RASEF: variants seen among roughly 807,000 people sequenced by gnomAD.
RASEF encodes ras and EF-hand domain-containing protein.
In RASEF, 68 loss-of-function variants were observed where a neutral mutation model predicts 90.1. That is an observed-to-expected ratio of 0.75 (90% CI 0.62 to 0.92). The LOEUF is 0.92. Among genes scored for constraint, RASEF ranks in the 40% least tolerant of loss-of-function variants. The pLI, the probability that RASEF is intolerant of heterozygous loss-of-function variation, is 0.00. For synonymous variants in RASEF, 331 were observed against 345.2 expected (o/e 0.96, Z 0.46); for missense variants, 949 against 937.2 (o/e 1.01, Z -0.16).
chr9:83,102,519 C>G, the RASEF span, among the ~76,000 whole-genome samples: 4 of 152,178 alleles, frequency 2.6e-5, no homozygotes, highest in Admixed American at 2.6e-4. Context: ...TTTTAGAAAG[C>G]AGTCAAATTT....
intron 16 of RASEF, among the ~76,000 whole-genome samples, chr9:82,985,942 G>A (rs1433411434): frequency 1.3e-5 from 2 of 152,178 alleles, no homozygotes; most frequent in Non-Finnish European, 2.9e-5. Context: ...TGGATATGCA[G>A]AGTCACCATG....
At chr9:83,154,242 A>C in the RASEF span, among the ~76,000 whole-genome samples, 1 of 152,174 alleles carries the variant, frequency 6.6e-6, no homozygotes, top group Non-Finnish European at 1.5e-5. Flanking sequence ...CACTGTCAGG[A>C]GGAAAGGACA....
chr9:83,062,544 G>A lies in RASEF; in HGVS notation c.324C>T (p.Asp108=). 1 of 1,603,926 alleles carries A rather than the reference G, an allele frequency of 6.2e-7. No individual in the cohort carries two copies. The highest frequency in any genetic ancestry group is 8.5e-7 in the Non-Finnish European group (1 of 1,175,618). The part of the protein sequence containing the change: ...ETHDSEEDEG[D]EDAAAALATS... The stretch of plus-strand genomic sequence containing the variant: ...TGGCCAGCGCCGCCGCCGCGTCCTC[G>A]TCGCCTTCGTCCTCCTCGCTGTCGT... Residue 108 remains aspartate, a synonymous_variant, in exon 1 of 17, where the codon GAC becomes GAT. Transcript: ENST00000376447.
chr9:83,141,715 C>T, the RASEF span, among the ~76,000 whole-genome samples: 4 of 152,118 alleles, frequency 2.6e-5, no homozygotes, highest in East Asian at 3.9e-4. Flanking sequence ...TAGAGATACA[C>T]GTGCCCAATG....
Position 83,042,696 on chromosome 9 carries a change from G to A in RASEF, c.432-16775C>T, listed in dbSNP as rs924977517. Among the ~76,000 whole-genome samples the A allele has an allele frequency of 5.3e-5, 8 of 151,224 alleles. No individual in the cohort carries two copies. The East Asian group carries it at 1.4e-3, about 26-fold the overall frequency. ...AGCACTCCAGCTATCTGAAACTCAG[G>A]TATCTGACTAAGAAGAATCCAAAAG... On this transcript the variant is annotated intron_variant, in intron 1 of 16. Transcript: ENST00000376447.
At chr9:83,166,415 C>G in the RASEF span, among the ~76,000 whole-genome samples, 1 of 152,130 alleles carries the variant, frequency 6.6e-6, no homozygotes, top group Non-Finnish European at 1.5e-5. Context: ...CTTAATTACA[C>G]TTGACACACA....
chr9:83,162,464 C>T, the RASEF span, among the ~76,000 whole-genome samples: 1 of 151,994 alleles, frequency 6.6e-6, no homozygotes, highest in African/African-American at 2.4e-5. Flanking sequence ...TTAGTATTTA[C>T]CAAAAATCTT....
At chr9:83,181,286 G>C in the RASEF span, among the ~76,000 whole-genome samples, 6 of 151,978 alleles carry the variant, frequency 3.9e-5, no homozygotes, top group Admixed American at 3.9e-4. Flanking sequence ...AGAAGGGCGG[G>C]GATAGAATTG....
At chr9:83,078,065 T>G in the RASEF span, among the ~76,000 whole-genome samples, 1 of 152,200 alleles carries the variant, frequency 6.6e-6, no homozygotes, top group African/African-American at 2.4e-5. Context: ...GGCAGCAGCA[T>G]CATCACCACC....
the RASEF span, among the ~76,000 whole-genome samples, chr9:83,112,884 T>C: frequency 5.9e-5 from 9 of 152,216 alleles, no homozygotes; most frequent in Non-Finnish European, 1.2e-4. Flanking sequence ...GATACAAAGA[T>C]GTAAACTGTG....
the RASEF span, among the ~76,000 whole-genome samples, chr9:83,112,458 G>C: frequency 6.6e-6 from 1 of 152,218 alleles, no homozygotes; most frequent in Non-Finnish European, 1.5e-5. Context: ...GCCGAGGCGG[G>C]TGAATCACCT....
the RASEF span, among the ~76,000 whole-genome samples, chr9:83,165,489 T>C: frequency 6.6e-6 from 1 of 152,160 alleles, no homozygotes; most frequent in Non-Finnish European, 1.5e-5. Flanking sequence ...CAAATTTTGT[T>C]AGCCACAAAG....
chr9:83,149,257 C>A, the RASEF span, among the ~76,000 whole-genome samples: 1 of 152,170 alleles, frequency 6.6e-6, no homozygotes, highest in Non-Finnish European at 1.5e-5. Context: ...TTGTGCCTGT[C>A]CTCAGGCTAC....
chr9:83,129,869 A>T, the RASEF span, among the ~76,000 whole-genome samples: 1 of 152,250 alleles, frequency 6.6e-6, no homozygotes, highest in Admixed American at 6.5e-5. Context: ...CGTTGACTTA[A>T]AAGAAATATG....
chr9:83,029,543 C>T (rs989071532), intron 1 of RASEF, among the ~76,000 whole-genome samples: 6 of 150,482 alleles, frequency 4.0e-5, no homozygotes, highest in African/African-American at 1.5e-4. Flanking sequence ...CAGGAGCCCA[C>T]CACCACACCA....
At chr9:82,994,237 C>A (rs111935807) in intron 14 of RASEF, among the ~76,000 whole-genome samples, 3 of 152,122 alleles carry the variant, frequency 2.0e-5, no homozygotes, top group Admixed American at 6.5e-5. Context: ...CTCATTAATG[C>A]GCTCGTTAAT....
the RASEF span, among the ~76,000 whole-genome samples, chr9:83,173,221 G>A: frequency 3.3e-5 from 5 of 151,818 alleles, no homozygotes; most frequent in African/African-American, 1.2e-4. Flanking sequence ...ATGTCTCAGA[G>A]TAGTTTTATT....
chr9:83,154,632 A>G, the RASEF span, among the ~76,000 whole-genome samples: 7 of 152,308 alleles, frequency 4.6e-5, no homozygotes, highest in South Asian at 2.1e-4. Context: ...GAGTCAGAGC[A>G]TGATTTCCAC....
the RASEF span, among the ~76,000 whole-genome samples, chr9:83,111,467 T>A: frequency 6.6e-5 from 10 of 152,134 alleles, no homozygotes; most frequent in Non-Finnish European, 1.5e-4. Flanking sequence ...ACTGTACACC[T>A]GAAATTTTCT....
Sources: allele counts gnomAD v4.1 joint callset (sites outside exome capture counted in the v4.1 genomes callset), GRCh38; gene constraint gnomAD v4.1.1; transcripts MANE v1.5; gene names NCBI Gene and HGNC (gene_info 2026-07-23, HGNC 2026-07-21).